The following ZDHHC21 variants were observed in gnomAD, a reference collection of about 807,000 sequenced individuals.
ZDHHC21 encodes palmitoyltransferase ZDHHC21.
A neutral mutation model predicts 34.6 loss-of-function variants in ZDHHC21; 15 were observed. The ratio of observed to expected loss-of-function variants is 0.43; its 90% CI spans 0.29 to 0.67. The LOEUF is 0.67. Ranked by LOEUF, ZDHHC21 falls within the 30% of genes least tolerant of loss-of-function variation. The pLI, the probability that ZDHHC21 is intolerant of heterozygous loss-of-function variation, is 0.14. For synonymous variants in ZDHHC21, 142 were observed against 101.8 expected (o/e 1.40, Z -2.38); for missense variants, 344 against 327.7 (o/e 1.05, Z -0.38).
intron 3 of ZDHHC21, among the ~76,000 whole-genome samples, chr9:14,674,703 G>C (rs763661658): frequency 1.3e-5 from 2 of 151,986 alleles, no homozygotes; most frequent in Non-Finnish European, 2.9e-5. Flanking sequence ...CCTTAACCCA[G>C]CAACTTCCTG....
intron 8 of ZDHHC21, among the ~76,000 whole-genome samples, chr9:14,626,173 T>G (rs1826173113): frequency 6.6e-6 from 1 of 152,002 alleles, no homozygotes; most frequent in Non-Finnish European, 1.5e-5. Flanking sequence ...AGATGGGCAT[T>G]TAACATGCCC....
In ZDHHC21 at chr9:14,655,862, A is replaced by G. The variant is rs541618023; in HGVS notation, c.504+2887T>C. 1.2e-3 allele frequency among the ~76,000 whole-genome samples: 20 copies of G among 16,110 alleles called. No individual in the cohort carries two copies. In the South Asian group the frequency reaches 0.038, roughly 31 times the overall value. 10.6% of individuals were successfully genotyped at this position (16,110 alleles called of 152,430 possible). A position where few individuals can be genotyped will look rare whatever the true frequency, so the allele number is the denominator to read the frequency against. ...ACTAAATGTTTCATATTAAAAGATAATTTTTTAATGAAATATCTGCTGTCT... is the reference window on the plus strand; with the variant it reads ...ACTAAATGTTTCATATTAAAAGATAGTTTTTTAATGAAATATCTGCTGTCT... On this transcript the variant is annotated intron_variant, in intron 7 of 9. Transcript: ENST00000380916.
chr9:14,660,372 C>CAAAAAAAAA (rs374162221), intron 6 of ZDHHC21, among the ~76,000 whole-genome samples: 13 of 58,786 alleles, frequency 2.2e-4, no homozygotes, highest in Admixed American at 2.6e-4. Context: ...GACTCCATCT[C>CAAAAAAAAA]AAAAAAAAAA....
intron 7 of ZDHHC21, among the ~76,000 whole-genome samples, chr9:14,655,508 T>A (rs1308040119): frequency 6.6e-6 from 1 of 151,990 alleles, no homozygotes; most frequent in Non-Finnish European, 1.5e-5. Flanking sequence ...CTTGTTATCA[T>A]GTGATTTTTT....
chr9:14,642,230 C>A (rs185168202), intron 7 of ZDHHC21, among the ~76,000 whole-genome samples: 1 of 152,196 alleles, frequency 6.6e-6, no homozygotes, highest in African/African-American at 2.4e-5. Context: ...TTCAAAAAAA[C>A]AACTGTATTC....
At chr9:14,652,377 T>C (rs957336705) in intron 7 of ZDHHC21, among the ~76,000 whole-genome samples, 1 of 151,944 alleles carries the variant, frequency 6.6e-6, no homozygotes, top group African/African-American at 2.4e-5. Context: ...TGATAAACTA[T>C]AAATTCCTTA....
the ZDHHC21 span, chr9:14,593,963 G>A: frequency 6.6e-6 from 1 of 152,242 alleles, no homozygotes; most frequent in African/African-American, 2.4e-5. Context: ...GAGACAGCTT[G>A]GGGAAACAGG....
At chr9:14,607,615 A>C (rs979125910), downstream of ZDHHC21, among the ~76,000 whole-genome samples, 1 of 140,620 alleles carries the variant, frequency 7.1e-6, no homozygotes, top group Non-Finnish European at 1.5e-5. Flanking sequence ...GATAAGTGCT[A>C]TGGGCTGGGG....
chr9:14,632,011 G>C (rs1244856097), intron 8 of ZDHHC21, among the ~76,000 whole-genome samples: 1 of 151,246 alleles, frequency 6.6e-6, no homozygotes, highest in Non-Finnish European at 1.5e-5. Context: ...TGTACCGAAA[G>C]ACTTACTCAA....
rs2133372709 is a variant in ZDHHC21 at position 14,613,198 on chromosome 9, A to G, written c.*5768T>C. The G allele has an allele frequency of 6.6e-6, 1 of 152,068 alleles. No individual in the cohort carries two copies. The highest frequency in any genetic ancestry group is 2.1e-4 in the South Asian group (1 of 4,828). The allele number at this position is 152,068 out of a possible 1,614,324, so 9.4% of individuals were successfully genotyped here. A position where few individuals can be genotyped will look rare whatever the true frequency, so the allele number is the denominator to read the frequency against. ...CATTAAATTGCCAGAGCAGCATGCA[A>G]AAAATAAGATCTGTTAATCAAACTG... On this transcript the variant is annotated 3_prime_UTR_variant, in exon 10 of 10. Coordinates refer to ENST00000380916, the MANE Select transcript of ZDHHC21 (RefSeq NM_178566.6).
intron 6 of ZDHHC21, among the ~76,000 whole-genome samples, chr9:14,661,846 C>T (rs139295654): frequency 9.9e-5 from 15 of 152,194 alleles, no homozygotes; most frequent in African/African-American, 3.1e-4. Flanking sequence ...TATAAACATT[C>T]GGATGCATAT....
downstream of ZDHHC21, among the ~76,000 whole-genome samples, chr9:14,610,793 G>A (rs2133354868): frequency 6.6e-6 from 1 of 152,122 alleles, no homozygotes; most frequent in South Asian, 2.1e-4. Context: ...AATAAATTGG[G>A]TGACTGAATC....
chr9:14,687,682 A>G (rs1480163506), intron 2 of ZDHHC21, among the ~76,000 whole-genome samples: 1 of 149,032 alleles, frequency 6.7e-6, no homozygotes, highest in East Asian at 1.9e-4. Context: ...CCCTGTCTCA[A>G]AACAAAACAA....
chr9:14,600,859 C>T, the ZDHHC21 span, among the ~76,000 whole-genome samples: 5 of 152,166 alleles, frequency 3.3e-5, no homozygotes, highest in African/African-American at 1.2e-4. Flanking sequence ...CATCTACAAC[C>T]ATCTGTTCTT....
chr9:14,682,071 A>G (rs953852931), intron 2 of ZDHHC21, among the ~76,000 whole-genome samples: 2 of 152,222 alleles, frequency 1.3e-5, no homozygotes, highest in Non-Finnish European at 2.9e-5. Flanking sequence ...AACCGGTACC[A>G]GCCACTGCAA....
At position 14,668,085 on chromosome 9, in the gene ZDHHC21, TG is replaced by T. The variant is rs1834807509; in HGVS notation, c.253+4744del. Among the ~76,000 whole-genome samples the T allele has an allele frequency of 3.3e-5, 3 of 91,264 alleles. 1 individual carries two copies. The highest frequency in any genetic ancestry group is 1.3e-4 in the African/African-American group (3 of 23,688). 59.9% of individuals were successfully genotyped at this position (91,264 alleles called of 152,430 possible). A position where few individuals can be genotyped will look rare whatever the true frequency, so the allele number is the denominator to read the frequency against. Reference sequence around the variant, plus strand: ...TGTCCCTCTTTGCAGATGACATGATTGTTTATCTAGAAAACCCCACTGTCTC... The same window carrying T: ...TGTCCCTCTTTGCAGATGACATGATTTTTATCTAGAAAACCCCACTGTCTC... On this transcript the variant is annotated intron_variant, in intron 5 of 9. Coordinates refer to ENST00000380916, the MANE Select transcript of ZDHHC21 (RefSeq NM_178566.6).
intron 7 of ZDHHC21, among the ~76,000 whole-genome samples, chr9:14,657,500 C>T (rs1359675597): frequency 1.9e-5 from 1 of 53,078 alleles, no homozygotes; most frequent in East Asian, 4.5e-4. Context: ...CTACCAGAGG[C>T]TGGCAAAGTT....
At chr9:14,620,647 A>G (rs978556965) in intron 8 of ZDHHC21, among the ~76,000 whole-genome samples, 3 of 152,034 alleles carry the variant, frequency 2.0e-5, no homozygotes, top group Admixed American at 6.6e-5. Flanking sequence ...AACTTTTCCA[A>G]TGATGCTAAT....
chr9:14,682,691 T>C (rs865892681), intron 2 of ZDHHC21, among the ~76,000 whole-genome samples: 18 of 152,248 alleles, frequency 1.2e-4, no homozygotes, highest in Non-Finnish European at 2.4e-4. Context: ...GAGGACCTAA[T>C]AGACATCTAC....
Sources: allele counts gnomAD v4.1 joint callset (sites outside exome capture counted in the v4.1 genomes callset), GRCh38; gene constraint gnomAD v4.1.1; transcripts MANE v1.5; gene names NCBI Gene and HGNC (gene_info 2026-07-23, HGNC 2026-07-21).